The following EVA1A variants were observed in gnomAD, a reference collection of about 807,000 sequenced individuals.
EVA1A encodes protein eva-1 homolog A.
EVA1A carries 7 observed loss-of-function variants against 9.8 expected under a neutral mutation model. The observed-to-expected ratio is 0.71, with a 90% confidence interval of 0.41 to 1.34. The LOEUF (loss-of-function observed/expected upper bound fraction) is 1.34, where lower values mean the gene tolerates loss of function less well. Ranked by LOEUF, EVA1A falls within the 40% of genes most tolerant of loss-of-function variation. EVA1A has a pLI of 0.01. For synonymous variants in EVA1A, 90 were observed against 85.6 expected (o/e 1.05, Z -0.28); for missense variants, 206 against 205.9 (o/e 1.00, Z 0.00).
At position 75,540,510 on chromosome 2, in the gene EVA1A, A is replaced by C. The variant is rs79139503; in HGVS notation, c.-191-18023T>G. ...CACAGCTGCTGGCTTCAGCCTACCC[A>C]GAGGAATAGTTTTCCTGAAATATTA... On this transcript the variant is annotated intron_variant, in intron 1 of 3. Transcript: ENST00000393913. 6.8e-3 allele frequency among the ~76,000 whole-genome samples: 1,040 copies of C among 152,342 alleles called. 9 individuals carry two copies. The highest frequency in any genetic ancestry group is 0.023 in the African/African-American group (974 of 41,574).
In EVA1A at chr2:75,493,305, G is replaced by GATGC; in HGVS notation, c.386_389dup (p.Ile130MetfsTer13). On this transcript the variant is annotated frameshift_variant, in exon 4 of 4. Coordinates refer to ENST00000393913, the MANE Select transcript of EVA1A (RefSeq NM_001135032.2). LOFTEE classifies it high-confidence loss of function. The stretch of plus-strand genomic sequence containing the variant: ...GGCCATTCATCCAGATCTCCCTGAT[G>GATGC]ATGCGCTCGCGCTCCTCCAGCCGCT... 6.2e-7 allele frequency: 1 copy of GATGC among 1,614,100 alleles called. No homozygotes were observed. Among genetic ancestry groups the GATGC allele is most frequent in the Non-Finnish European group, 8.5e-7 (1 of 1,179,986 alleles).
At position 75,506,332 on chromosome 2, in the gene EVA1A, A is replaced by G. The variant is rs1223676061; in HGVS notation, c.85+11724T>C. Among the ~76,000 whole-genome samples the G allele has an allele frequency of 2.0e-5, 3 of 152,240 alleles. No individual in the cohort carries two copies. The South Asian group carries it at 6.2e-4, about 31-fold the overall frequency. On this transcript the variant is annotated intron_variant, in intron 3 of 3. Coordinates refer to ENST00000393913, the MANE Select transcript of EVA1A (RefSeq NM_001135032.2). The stretch of plus-strand genomic sequence containing the variant: ...TACATACTATTATAGCTCTTGATAC[A>G]CATTGCCAAGTGGGTTTTGAAAAGT...
chr2:75,500,296 C>G (rs1399358708), intron 3 of EVA1A, among the ~76,000 whole-genome samples: 1 of 152,164 alleles, frequency 6.6e-6, no homozygotes, highest in Non-Finnish European at 1.5e-5. Context: ...ATCAAAATAA[C>G]TTTTGATGAC....
At chr2:75,553,828 G>A (rs749953778) in intron 1 of EVA1A, among the ~76,000 whole-genome samples, 1 of 152,114 alleles carries the variant, frequency 6.6e-6, no homozygotes, top group Non-Finnish European at 1.5e-5. Flanking sequence ...TTAAAGGACC[G>A]AGGTCTCATA....
In EVA1A at chr2:75,493,332, G is replaced by C; in HGVS notation, c.363C>G (p.Ala121=). 1 of 1,614,186 alleles carries C rather than the reference G, an allele frequency of 6.2e-7. No individual in the cohort carries two copies. The highest frequency in any genetic ancestry group is 8.5e-7 in the Non-Finnish European group (1 of 1,180,024). Residue 121 remains alanine (A), a synonymous_variant, in exon 4 of 4, where the codon GCC becomes GCG. Transcript: ENST00000393913. ...VFTSAEELER[A]QRLEERERII... ...TGCGCTCGCGCTCCTCCAGCCGCTGGGCGCGCTCCAGCTCCTCCGCAGAGG... is the reference window on the plus strand; with the variant it reads ...TGCGCTCGCGCTCCTCCAGCCGCTGCGCGCGCTCCAGCTCCTCCGCAGAGG...
At chr2:75,548,009 T>G in intron 1 of EVA1A, among the ~76,000 whole-genome samples, 1 of 152,258 alleles carries the variant, frequency 6.6e-6, no homozygotes, top group East Asian at 1.9e-4. Context: ...ACTTACTATC[T>G]GATCCTTTAC....
intron 1 of EVA1A, among the ~76,000 whole-genome samples, chr2:75,568,692 T>C (rs966468902): frequency 1.2e-4 from 19 of 152,220 alleles, no homozygotes; most frequent in Non-Finnish European, 1.0e-4. Flanking sequence ...CTCTCATTCA[T>C]AAGTAAGAGC....
At chr2:75,549,004 ATATATTTT>A (rs1312377656) in intron 1 of EVA1A, among the ~76,000 whole-genome samples, 2 of 100,630 alleles carry the variant, frequency 2.0e-5, no homozygotes, top group Admixed American at 1.1e-4. Context: ...ATATATATAT[ATATATTTT>A]TTTTTTTTTT....
intron 3 of EVA1A, among the ~76,000 whole-genome samples, chr2:75,513,423 C>T (rs899988322): frequency 1.3e-5 from 2 of 152,162 alleles, no homozygotes; most frequent in Non-Finnish European, 2.9e-5. Flanking sequence ...TCATATCTTC[C>T]TCCTTGCCCG....
chr2:75,507,708 C>G (rs1421191741), intron 3 of EVA1A, among the ~76,000 whole-genome samples: 1 of 152,176 alleles, frequency 6.6e-6, no homozygotes, highest in Non-Finnish European at 1.5e-5. Context: ...CAAAACGGCC[C>G]TTCAGAATTG....
At chr2:75,521,464 A>G (rs1358626939) in intron 2 of EVA1A, among the ~76,000 whole-genome samples, 1 of 152,236 alleles carries the variant, frequency 6.6e-6, no homozygotes, top group Non-Finnish European at 1.5e-5. Context: ...ATGAATAAAT[A>G]AAATGTTGTC....
chr2:75,501,862 C>A (rs539013540), intron 3 of EVA1A, among the ~76,000 whole-genome samples: 6 of 152,304 alleles, frequency 3.9e-5, no homozygotes, highest in African/African-American at 1.4e-4. Flanking sequence ...TGTCCTCTGT[C>A]TCCTACACCA....
chr2:75,496,107 T>C (rs1297859199), intron 3 of EVA1A, among the ~76,000 whole-genome samples: 1 of 152,152 alleles, frequency 6.6e-6, no homozygotes, highest in Non-Finnish European at 1.5e-5. Context: ...AGGATCAGTG[T>C]AGATAATGCA....
chr2:75,532,503 T>A (rs1350517804), intron 1 of EVA1A, among the ~76,000 whole-genome samples: 1 of 152,038 alleles, frequency 6.6e-6, no homozygotes, highest in East Asian at 1.9e-4. Context: ...CAGATGGGCT[T>A]GATAGTAAAT....
chr2:75,561,478 C>T (rs1227418590), upstream of EVA1A: 1 of 151,098 alleles, frequency 6.6e-6, no homozygotes, highest in East Asian at 1.9e-4. Context: ...CTCTGTTTGG[C>T]CTTTCTCTTT....
At chr2:75,532,090 G>T (rs547205371) in intron 1 of EVA1A, among the ~76,000 whole-genome samples, 9 of 144,630 alleles carry the variant, frequency 6.2e-5, no homozygotes, top group African/African-American at 2.3e-4. Context: ...AACCCAGGAG[G>T]CAGAGCTTGC....
intron 1 of EVA1A, among the ~76,000 whole-genome samples, chr2:75,559,707 G>GGGGGGGGGGGGGT (rs1676851149): frequency 1.6e-5 from 2 of 124,906 alleles, no homozygotes; most frequent in Admixed American, 8.0e-5. Context: ...TGGGGGGGGG[G>GGGGGGGGGGGGGT]CGGGGGAGTT....
At chr2:75,505,600 CAGG>C (rs955880935) in intron 3 of EVA1A, among the ~76,000 whole-genome samples, 1 of 152,076 alleles carries the variant, frequency 6.6e-6, no homozygotes, top group African/African-American at 2.4e-5. Flanking sequence ...ATCACAAGGT[CAGG>C]AGTTCAATAC....
At chr2:75,558,328 T>C (rs1236845984) in intron 1 of EVA1A, among the ~76,000 whole-genome samples, 1 of 152,142 alleles carries the variant, frequency 6.6e-6, no homozygotes, top group African/African-American at 2.4e-5. Flanking sequence ...TTGACCAAGG[T>C]CAAGTAATTA....
Sources: allele counts gnomAD v4.1 joint callset (sites outside exome capture counted in the v4.1 genomes callset), GRCh38; gene constraint gnomAD v4.1.1; transcripts MANE v1.5; gene names NCBI Gene and HGNC (gene_info 2026-07-23, HGNC 2026-07-21).